The following OSGEPL1 variants were observed in gnomAD, a reference collection of about 807,000 sequenced individuals.
OSGEPL1 encodes tRNA N6-adenosine threonylcarbamoyltransferase, mitochondrial.
A neutral mutation model predicts 37.2 loss-of-function variants in OSGEPL1; 26 were observed. The ratio of observed to expected loss-of-function variants is 0.70; its 90% CI spans 0.51 to 0.97. The LOEUF (loss-of-function observed/expected upper bound fraction) is 0.97. Among genes scored for constraint, OSGEPL1 ranks in the 50% least tolerant of loss-of-function variants. The probability of loss-of-function intolerance (pLI) is 0.00; values close to 1 mark genes in which losing one functional copy is unlikely to be tolerated. For missense variants in OSGEPL1, 404 were observed against 487.0 expected, an observed-to-expected ratio of 0.83 and a Z score of 1.60; for synonymous variants, 140 against 159.9, an observed-to-expected ratio of 0.88 and a Z score of 0.94.
intron 3 of OSGEPL1, chr2:189,754,559 C>T (rs10209952): frequency 0.011 from 5,616 of 512,328 alleles, 271 homozygotes; most frequent in African/African-American, 0.099. Context: ...CCAATCACTG[C>T]CCCTGTCTAT....
At chr2:189,758,348 T>C (rs1004082009) in intron 2 of OSGEPL1, among the ~76,000 whole-genome samples, 2 of 151,814 alleles carry the variant, frequency 1.3e-5, no homozygotes, top group African/African-American at 4.8e-5. Context: ...ACCATTGCAC[T>C]CTGGTCTGGG....
At chr2:189,755,791 A>G (rs532577623) in intron 2 of OSGEPL1, among the ~76,000 whole-genome samples, 1 of 152,346 alleles carries the variant, frequency 6.6e-6, no homozygotes, top group Admixed American at 6.5e-5. Flanking sequence ...ACTCCCATGG[A>G]TTTGTTTGTT....
At chr2:189,749,934 C>A (rs2044866416) in intron 8 of OSGEPL1, among the ~76,000 whole-genome samples, 1 of 152,062 alleles carries the variant, frequency 6.6e-6, no homozygotes, top group Non-Finnish European at 1.5e-5. Flanking sequence ...CCACCCTGGG[C>A]AACATGGTGA....
intron 2 of OSGEPL1, chr2:189,761,040 A>G (rs1380988385): frequency 6.4e-6 from 1 of 156,402 alleles, no homozygotes; most frequent in Non-Finnish European, 1.4e-5. Flanking sequence ...TTATTTAAGT[A>G]CTAATACAAG....
chr2:189,761,347 T>C (rs1379775320), intron 2 of OSGEPL1, 73 bp downstream of exon 2: 6 of 1,499,270 alleles, frequency 4.0e-6, no homozygotes, highest in Non-Finnish European at 5.3e-6. Flanking sequence ...AAAACTTTTA[T>C]ATATGACAAA....
chr2:189,761,708 C>A, intron 1 of OSGEPL1, 48 bp from the exon 2 acceptor site: 1 of 1,435,126 alleles, frequency 7.0e-7, no homozygotes, highest in Non-Finnish European at 9.1e-7. Context: ...CTGACATTAG[C>A]CAGCTTATTT....
chr2:189,752,683 T>C lies in OSGEPL1; in HGVS notation c.1136A>G (p.His379Arg), dbSNP rs2045463121. ...TTCATAGCGGATGCCTTCTATGTCA[T>C]GTAAAATGCCCAAGCCAGCACGTAG... ...ERLRAGLGIL[H>R]DIEGIRYEPK... Residue 379 changes from histidine to arginine, a missense_variant, in exon 7 of 9, where the codon CAT becomes CGT. Physicochemically the swap from His to Arg is conservative, Grantham distance 29 (BLOSUM62 0). Transcript: ENST00000264151. 5 of 1,613,870 alleles carry C rather than the reference T, an allele frequency of 3.1e-6. No individual in the cohort carries two copies. The South Asian group carries it at 4.4e-5, about 14-fold the overall frequency.
chr2:189,758,157 T>C lies in OSGEPL1; in HGVS notation c.222-2597A>G, dbSNP rs201545287. 2.3e-4 allele frequency among the ~76,000 whole-genome samples: 35 copies of C among 152,100 alleles called. No homozygotes were observed. The East Asian group carries it at 5.8e-3, about 25-fold the overall frequency. On this transcript the variant is annotated intron_variant, in intron 2 of 8. Coordinates refer to ENST00000264151, the MANE Select transcript of OSGEPL1 (RefSeq NM_022353.3). ...CATCACTTTGGGAGGCCGAGGTGGG[T>C]GGATCACTTGAGGTCGGGAGTTCGA...
Position 189,752,676 on chromosome 2 carries a change from T to C in OSGEPL1, c.1143A>G (p.Ile381Met). The C allele has an allele frequency of 6.2e-7, 1 of 1,613,890 alleles. No individual in the cohort carries two copies. The highest frequency in any genetic ancestry group is 2.2e-5 in the East Asian group (1 of 44,872). The stretch of plus-strand genomic sequence containing the variant: ...ACTTTGGTTCATAGCGGATGCCTTC[T>C]ATGTCATGTAAAATGCCCAAGCCAG... ...LRAGLGILHDIEGIRYEPKCP... is the reference protein window; with the variant it reads ...LRAGLGILHDMEGIRYEPKCP... The change falls in exon 7 of 9, where the codon ATA (isoleucine) becomes ATG (methionine). Residue 381 changes from isoleucine (I) to methionine (M), a missense_variant. Transcript: ENST00000264151.
intron 2 of OSGEPL1, 68 bp from the exon 3 acceptor site, chr2:189,755,628 C>T: frequency 2.0e-6 from 3 of 1,490,388 alleles, no homozygotes; most frequent in South Asian, 1.3e-5. Flanking sequence ...GATATTACAG[C>T]TAAAAGCATG....
intron 2 of OSGEPL1, 38 bp from the exon 3 acceptor site, chr2:189,755,598 T>C (rs1279532063): frequency 5.1e-6 from 8 of 1,564,628 alleles, no homozygotes; most frequent in Non-Finnish European, 6.9e-6. Flanking sequence ...AGTTTTAAGA[T>C]TGTAAAAATG....
At position 189,755,137 on chromosome 2, in the gene OSGEPL1, T is replaced by C. The variant is rs774863053; in HGVS notation, c.609+36A>G. On this transcript the variant is annotated intron_variant, in intron 3 of 8. Transcript: ENST00000264151. Reference sequence around the variant, plus strand: ...TGCTACTTAGTTGAAATGGACAACATAACAAAAAAGAATGGAGAAATTAAT... The same window carrying C: ...TGCTACTTAGTTGAAATGGACAACACAACAAAAAAGAATGGAGAAATTAAT... 4 of 1,586,818 alleles carry C rather than the reference T, an allele frequency of 2.5e-6. No individual in the cohort carries two copies. The South Asian group carries it at 3.5e-5, about 14-fold the overall frequency.
At chr2:189,754,520 T>C (rs2045775051) in intron 3 of OSGEPL1, 175 bp from the exon 4 acceptor site, 3 of 591,968 alleles carry the variant, frequency 5.1e-6, no homozygotes, top group Middle Eastern at 4.5e-4. Flanking sequence ...GACAACCCTG[T>C]TCCTTATGAT....
intron 8 of OSGEPL1, among the ~76,000 whole-genome samples, chr2:189,748,376 TG>T (rs1017115534): frequency 1.1e-4 from 17 of 152,100 alleles, no homozygotes; most frequent in African/African-American, 3.9e-4. Context: ...CTGAGTGTGG[TG>T]GTACAGGCGT....
intron 5 of OSGEPL1, 22 bp downstream of exon 5, chr2:189,753,894 T>C (rs778711839): frequency 1.2e-6 from 2 of 1,610,278 alleles, no homozygotes; most frequent in Non-Finnish European, 1.7e-6. Flanking sequence ...TAACTATTAC[T>C]ATAAAATGAG....
At chr2:189,757,284 A>T (rs2046218699) in intron 2 of OSGEPL1, among the ~76,000 whole-genome samples, 1 of 152,190 alleles carries the variant, frequency 6.6e-6, no homozygotes, top group Admixed American at 6.5e-5. Context: ...ACTGATTTGG[A>T]TGTGGAATGG....
intron 2 of OSGEPL1, among the ~76,000 whole-genome samples, chr2:189,760,405 C>T (rs1031767081): frequency 1.3e-5 from 2 of 152,042 alleles, no homozygotes; most frequent in African/African-American, 4.8e-5. Context: ...CCAGACGGGG[C>T]GGCTGCTGGG....
chr2:189,752,675 C>T lies in OSGEPL1; in HGVS notation c.1144G>A (p.Glu382Lys). The stretch of plus-strand genomic sequence containing the variant: ...TACTTTGGTTCATAGCGGATGCCTT[C>T]TATGTCATGTAAAATGCCCAAGCCA... ...RAGLGILHDI[E>K]GIRYEPKCPL... Residue 382 changes from glutamate (E) to lysine (K), a missense_variant, in exon 7 of 9, where the codon GAA (glutamate) becomes AAA (lysine). Glu to Lys is a moderately conservative substitution (Grantham distance 56). Coordinates refer to ENST00000264151, the MANE Select transcript of OSGEPL1 (RefSeq NM_022353.3). 6.2e-7 allele frequency: 1 copy of T among 1,613,800 alleles called. No individual in the cohort carries two copies. The highest frequency in any genetic ancestry group is 1.7e-5 in the Admixed American group (1 of 60,022).
chr2:189,757,769 C>T (rs1000538019), intron 2 of OSGEPL1, among the ~76,000 whole-genome samples: 3 of 152,174 alleles, frequency 2.0e-5, no homozygotes, highest in Non-Finnish European at 4.4e-5. Context: ...CTAAGTATTG[C>T]CTGGCAGCTA....
Sources: allele counts gnomAD v4.1 joint callset (sites outside exome capture counted in the v4.1 genomes callset), GRCh38; gene constraint gnomAD v4.1.1; transcripts MANE v1.5; gene names NCBI Gene and HGNC (gene_info 2026-07-23, HGNC 2026-07-21).